Variants in CSMD1 observed in about 807,000 individuals in gnomAD.
CSMD1 encodes CUB and Sushi multiple domains 1, also known as CUB and sushi domain-containing protein 1.
A neutral mutation model predicts 417.5 loss-of-function variants in CSMD1; 213 were observed. That is an observed-to-expected ratio of 0.51 (90% CI 0.46 to 0.57). The LOEUF (loss-of-function observed/expected upper bound fraction) is 0.57, where lower values mean the gene tolerates loss of function less well. Ranked by LOEUF, CSMD1 falls within the 20% of genes least tolerant of loss-of-function variation. The pLI is 0.00. For synonymous variants in CSMD1, 2,862 were observed against 1,736.8 expected (o/e 1.65, Z -16.11); for missense variants, 6,923 against 4,529.7 (o/e 1.53, Z -15.17).
chr8:4,240,348 G>T (rs1414717596), intron 3 of CSMD1, among the ~76,000 whole-genome samples: 1 of 152,280 alleles, frequency 6.6e-6, no homozygotes, highest in East Asian at 1.9e-4. Context: ...TGCTAAAAAG[G>T]AAACTCCTGC....
intron 3 of CSMD1, among the ~76,000 whole-genome samples, chr8:4,107,277 T>G (rs1357421665): frequency 6.6e-6 from 1 of 152,000 alleles, no homozygotes; most frequent in African/African-American, 2.4e-5. Flanking sequence ...TGCTTGCCAT[T>G]TCAACACGCT....
intron 3 of CSMD1, among the ~76,000 whole-genome samples, chr8:4,359,751 T>C (rs1266130976): frequency 6.6e-6 from 1 of 152,196 alleles, no homozygotes; most frequent in Non-Finnish European, 1.5e-5. Flanking sequence ...TCTACATTCA[T>C]TCCAAGGGTC....
intron 1 of CSMD1, among the ~76,000 whole-genome samples, chr8:4,661,495 G>T (rs1192270383): frequency 6.6e-6 from 1 of 152,148 alleles, no homozygotes; most frequent in Non-Finnish European, 1.5e-5. Flanking sequence ...GGTGGGGTCA[G>T]GAGGAACGTG....
chr8:3,737,559 G>A (rs1216297968), intron 6 of CSMD1, among the ~76,000 whole-genome samples: 12 of 152,268 alleles, frequency 7.9e-5, no homozygotes, highest in African/African-American at 2.9e-4. Flanking sequence ...CTTGCACAGA[G>A]TAGCATATAT....
At position 3,369,264 on chromosome 8, in the gene CSMD1, A is replaced by G; in HGVS notation, c.2889T>C (p.Ser963=). 1 of 1,527,652 alleles carries G rather than the reference A, an allele frequency of 6.5e-7. No homozygotes were observed. The highest frequency in any genetic ancestry group is 9.1e-7 in the Non-Finnish European group (1 of 1,102,178). The allele number at this position is 1,527,652 out of a possible 1,614,324, so 94.6% of individuals were successfully genotyped here. A position where few individuals can be genotyped will look rare whatever the true frequency, so the allele number is the denominator to read the frequency against. ...ATGATAGATTCTTACCTTTCCCATGAGACACTTCAATGGTCCACGTGCAGT... is the reference window on the plus strand; with the variant it reads ...ATGATAGATTCTTACCTTTCCCATGGGACACTTCAATGGTCCACGTGCAGT... The part of the protein sequence containing the change: ...SLNCTWTIEV[S]HGKGVQMIFH... The change falls in exon 19 of 70, where the codon TCT becomes TCC. Residue 963 remains serine, a synonymous_variant. Coordinates refer to ENST00000635120, the MANE Select transcript of CSMD1 (RefSeq NM_033225.6).
intron 2 of CSMD1, among the ~76,000 whole-genome samples, chr8:4,564,913 GAT>G (rs769168753): frequency 3.3e-5 from 5 of 152,198 alleles, no homozygotes; most frequent in Non-Finnish European, 5.9e-5. Flanking sequence ...ATTTCTCTAT[GAT>G]ATAGTTAATA....
intron 5 of CSMD1, among the ~76,000 whole-genome samples, chr8:3,872,163 G>A (rs1415717888): frequency 2.0e-5 from 3 of 152,028 alleles, no homozygotes; most frequent in Admixed American, 6.6e-5. Flanking sequence ...CCCGTGTTTG[G>A]ATCCTCAGTT....
intron 7 of CSMD1, among the ~76,000 whole-genome samples, chr8:3,675,172 C>G (rs1480826789): frequency 6.6e-6 from 1 of 152,158 alleles, no homozygotes; most frequent in East Asian, 1.9e-4. Context: ...TGTCTTTCCC[C>G]ACTAGTGGCT....
chr8:4,524,480 T>C (rs1437678359), intron 2 of CSMD1, among the ~76,000 whole-genome samples: 1 of 151,926 alleles, frequency 6.6e-6, no homozygotes, highest in Non-Finnish European at 1.5e-5. Flanking sequence ...TGAGGCCACG[T>C]TGGTGAAGCC....
intron 1 of CSMD1, among the ~76,000 whole-genome samples, chr8:4,900,388 C>G (rs1490889515): frequency 6.6e-6 from 1 of 152,192 alleles, no homozygotes; most frequent in African/African-American, 2.4e-5. Flanking sequence ...GAACCTCCTT[C>G]CGCACGCCTC....
chr8:4,868,094 C>T (rs113275086), intron 1 of CSMD1, among the ~76,000 whole-genome samples: 1 of 152,068 alleles, frequency 6.6e-6, no homozygotes, highest in African/African-American at 2.4e-5. Flanking sequence ...CAATTTAAAA[C>T]GACCTCTCAC....
chr8:3,230,364 G>A (rs184693243), intron 26 of CSMD1, 133 bp from the exon 27 acceptor site: 12 of 557,286 alleles, frequency 2.2e-5, no homozygotes, highest in Admixed American at 1.2e-4. Context: ...ATGAACATAC[G>A]AAAATAGTTT....
chr8:4,107,631 A>G (rs1165090109), intron 3 of CSMD1, among the ~76,000 whole-genome samples: 1 of 152,126 alleles, frequency 6.6e-6, no homozygotes, highest in Non-Finnish European at 1.5e-5. Context: ...CTGCATGTAC[A>G]ATGAGCACCA....
intron 3 of CSMD1, among the ~76,000 whole-genome samples, chr8:4,289,415 G>GCC (rs1206102567): frequency 6.6e-6 from 1 of 152,102 alleles, no homozygotes; most frequent in African/African-American, 2.4e-5. Context: ...GCCAGGGCCT[G>GCC]TGTTTCTCCT....
At chr8:3,530,886 C>T (rs538476950) in intron 10 of CSMD1, among the ~76,000 whole-genome samples, 4 of 150,360 alleles carry the variant, frequency 2.7e-5, no homozygotes, top group African/African-American at 9.8e-5. Context: ...AAGATGGAGT[C>T]TCATTCTGTC....
At chr8:3,014,929 T>A (rs560299211) in intron 52 of CSMD1, among the ~76,000 whole-genome samples, 3 of 151,784 alleles carry the variant, frequency 2.0e-5, no homozygotes, top group Admixed American at 6.6e-5. Flanking sequence ...CATAATTAAA[T>A]AAATAAATAA....
At chr8:3,793,834 A>G (rs1168414004) in intron 5 of CSMD1, among the ~76,000 whole-genome samples, 3 of 152,130 alleles carry the variant, frequency 2.0e-5, no homozygotes, top group East Asian at 3.9e-4. Context: ...GGATCTGCAT[A>G]CAAGAATCAC....
intron 7 of CSMD1, among the ~76,000 whole-genome samples, chr8:3,681,264 T>C (rs1026619832): frequency 8.5e-5 from 13 of 152,196 alleles, no homozygotes; most frequent in African/African-American, 2.4e-4. Context: ...TCTTTGCAGA[T>C]GACATGATTG....
At chr8:3,815,755 A>G (rs1044015291) in intron 5 of CSMD1, among the ~76,000 whole-genome samples, 1 of 152,070 alleles carries the variant, frequency 6.6e-6, no homozygotes, top group Non-Finnish European at 1.5e-5. Flanking sequence ...ATGGAAAGTC[A>G]TAAAACCACA....
Sources: gnomAD v4.1 joint callset for allele counts (sites outside exome capture counted in the v4.1 genomes callset) on GRCh38, gnomAD v4.1.1 for gene constraint, MANE v1.5 for transcripts, NCBI Gene and HGNC (gene_info 2026-07-23, HGNC 2026-07-21) for gene names.